The following HTR1F variants were observed in gnomAD, a reference collection of about 807,000 sequenced individuals.
HTR1F encodes the protein 5-hydroxytryptamine (serotonin) receptor 1F, G protein-coupled.
HTR1F carries 17 observed loss-of-function variants against 24.0 expected under a neutral mutation model. That is an observed-to-expected ratio of 0.71 (90% confidence interval 0.48 to 1.06). HTR1F has a LOEUF of 1.06. Among genes scored for constraint, HTR1F ranks in the 50% least tolerant of loss-of-function variants. The pLI, the probability that HTR1F is intolerant of heterozygous loss-of-function variation, is 0.00. For synonymous variants in HTR1F, 186 were observed against 156.8 expected (o/e 1.19, Z -1.39); for missense variants, 391 against 427.8 (o/e 0.91, Z 0.76).
intron 1 of HTR1F, among the ~76,000 whole-genome samples, chr3:87,800,783 C>T (rs1703978469): frequency 6.6e-6 from 1 of 152,116 alleles, no homozygotes; most frequent in South Asian, 2.1e-4. Context: ...CTGGAAATCA[C>T]CTCAAAAAAT....
intron 2 of HTR1F, among the ~76,000 whole-genome samples, chr3:87,884,779 A>G (rs992415686): frequency 2.0e-5 from 3 of 152,206 alleles, no homozygotes; most frequent in African/African-American, 7.2e-5. Context: ...AAAGGGATCA[A>G]TTCAACAAGA....
At chr3:87,805,110 A>T (rs1704052215) in intron 1 of HTR1F, among the ~76,000 whole-genome samples, 1 of 151,904 alleles carries the variant, frequency 6.6e-6, no homozygotes, top group East Asian at 1.9e-4. Context: ...GATGAGTTCT[A>T]TTTAGTTGCT....
intron 2 of HTR1F, among the ~76,000 whole-genome samples, chr3:87,847,107 C>A (rs1404571331): frequency 1.3e-5 from 2 of 151,290 alleles, no homozygotes; most frequent in East Asian, 3.9e-4. Flanking sequence ...AATGATCATT[C>A]AACATATAAA....
At chr3:87,828,132 G>T (rs1704502654) in intron 2 of HTR1F, among the ~76,000 whole-genome samples, 1 of 152,166 alleles carries the variant, frequency 6.6e-6, no homozygotes, top group Non-Finnish European at 1.5e-5. Context: ...TTTGTTATAA[G>T]ATCGTTTTAT....
intron 2 of HTR1F, among the ~76,000 whole-genome samples, chr3:87,902,966 T>C (rs1706365335): frequency 6.6e-6 from 1 of 151,128 alleles, no homozygotes; most frequent in Non-Finnish European, 1.5e-5. Context: ...TCAGAAATAA[T>C]GCCGCATATC....
chr3:87,847,747 A>G (rs995009506), intron 2 of HTR1F, among the ~76,000 whole-genome samples: 4 of 151,734 alleles, frequency 2.6e-5, no homozygotes, highest in African/African-American at 9.7e-5. Context: ...CTCTGTATCC[A>G]TAAGATCAAG....
intron 1 of HTR1F, among the ~76,000 whole-genome samples, chr3:87,820,709 A>C (rs1043069622): frequency 2.0e-5 from 3 of 152,072 alleles, no homozygotes. Flanking sequence ...GTATATATTA[A>C]AATTAATTTA....
intron 2 of HTR1F, among the ~76,000 whole-genome samples, chr3:87,987,181 C>A (rs1235697189): frequency 2.0e-5 from 3 of 151,550 alleles, no homozygotes; most frequent in Non-Finnish European, 4.4e-5. Context: ...AGGAATTAAC[C>A]CATTAAGAAA....
intron 2 of HTR1F, among the ~76,000 whole-genome samples, chr3:87,945,414 G>A (rs1704673897): frequency 6.6e-6 from 1 of 152,178 alleles, no homozygotes. Flanking sequence ...CAGAGGTAAG[G>A]AGAATTTTGG....
At chr3:87,953,529 C>CA (rs143677828) in intron 2 of HTR1F, among the ~76,000 whole-genome samples, 101 of 143,052 alleles carry the variant, frequency 7.1e-4, no homozygotes, top group African/African-American at 1.5e-3. Context: ...ACCAAAAGGA[C>CA]AAAAAAAAAA....
At chr3:87,918,498 C>A (rs1435107245) in intron 2 of HTR1F, among the ~76,000 whole-genome samples, 2 of 152,016 alleles carry the variant, frequency 1.3e-5, no homozygotes, top group African/African-American at 4.8e-5. Flanking sequence ...CAGAAAGCTC[C>A]TAGAACTGAT....
At chr3:87,930,360 C>T (rs1704232027) in intron 2 of HTR1F, among the ~76,000 whole-genome samples, 1 of 152,118 alleles carries the variant, frequency 6.6e-6, no homozygotes, top group African/African-American at 2.4e-5. Flanking sequence ...TTGTCTTGTG[C>T]TGGTTTTCAA....
intron 2 of HTR1F, among the ~76,000 whole-genome samples, chr3:87,950,546 T>A: frequency 6.7e-6 from 1 of 148,594 alleles, no homozygotes; most frequent in East Asian, 1.9e-4. Context: ...ACCTCAATAA[T>A]GATAGTGTCA....
At chr3:87,953,274 G>A (rs1704873242) in intron 2 of HTR1F, among the ~76,000 whole-genome samples, 1 of 151,394 alleles carries the variant, frequency 6.6e-6, no homozygotes, top group Non-Finnish European at 1.5e-5. Context: ...ACAACCTGTT[G>A]AATGGGAGAA....
intron 1 of HTR1F, among the ~76,000 whole-genome samples, chr3:87,799,009 A>G (rs1703952417): frequency 6.6e-6 from 1 of 152,244 alleles, no homozygotes; most frequent in South Asian, 2.1e-4. Flanking sequence ...TCAAAACAAA[A>G]ATAGGAAAAA....
rs139838429 is a variant in HTR1F at position 87,950,176 on chromosome 3, A to G, written c.-42-40532A>G. Reference sequence around the variant, plus strand: ...CTTTCACTACTTCAAGAATGGCACCAAGCAATTTATAAGAGATCTGCCCAC... The same window carrying G: ...CTTTCACTACTTCAAGAATGGCACCGAGCAATTTATAAGAGATCTGCCCAC... On this transcript the variant is annotated intron_variant, in intron 2 of 2. Transcript: ENST00000319595. 4.0e-4 allele frequency among the ~76,000 whole-genome samples: 61 copies of G among 152,316 alleles called. No individual in the cohort carries two copies. The East Asian group carries it at 7.0e-3, about 17-fold the overall frequency.
intron 1 of HTR1F, among the ~76,000 whole-genome samples, chr3:87,812,665 G>C (rs966991276): frequency 3.9e-5 from 6 of 152,194 alleles, no homozygotes; most frequent in Admixed American, 3.9e-4. Context: ...CCATGTCAGA[G>C]ATCTTGGTGG....
At chr3:87,821,227 CT>C (rs1407345397) in intron 1 of HTR1F, among the ~76,000 whole-genome samples, 2 of 152,154 alleles carry the variant, frequency 1.3e-5, no homozygotes, top group Non-Finnish European at 2.9e-5. Flanking sequence ...TTGAAAGCCC[CT>C]GTAAAGAATT....
chr3:87,949,551 C>A (rs1559645666), intron 2 of HTR1F, among the ~76,000 whole-genome samples: 1 of 152,152 alleles, frequency 6.6e-6, no homozygotes, highest in Non-Finnish European at 1.5e-5. Flanking sequence ...AGAAAAGCCA[C>A]AATTATCTCT....
Sources: allele counts gnomAD v4.1 joint callset (sites outside exome capture counted in the v4.1 genomes callset), GRCh38; gene constraint gnomAD v4.1.1; transcripts MANE v1.5; gene names NCBI Gene and HGNC (gene_info 2026-07-23, HGNC 2026-07-21).